The following MYOF variants were observed in gnomAD, a reference collection of about 807,000 sequenced individuals.
MYOF encodes fer-1-like 3, myoferlin.
A neutral mutation model predicts 284.2 loss-of-function variants in MYOF; 244 were observed. The ratio of observed to expected loss-of-function variants is 0.86; its 90% CI spans 0.77 to 0.95. MYOF has a LOEUF of 0.95. Ranked by LOEUF, MYOF falls within the 40% of genes least tolerant of loss-of-function variation. The probability of loss-of-function intolerance (pLI) is 0.00; values close to 1 mark genes in which losing one functional copy is unlikely to be tolerated. For missense variants in MYOF, 2,496 were observed against 2,560.6 expected (o/e 0.97, Z 0.54); for synonymous variants, 904 against 919.7 (o/e 0.98, Z 0.31).
intron 45 of MYOF, among the ~76,000 whole-genome samples, chr10:93,326,394 T>A (rs145851252): frequency 6.6e-5 from 10 of 152,192 alleles, no homozygotes; most frequent in African/African-American, 2.4e-4. Flanking sequence ...GGAGTCTCTA[T>A]GTGCCTTTTT....
chr10:93,394,448 C>CTCTTTTTTTTT (rs1846871495), intron 16 of MYOF, among the ~76,000 whole-genome samples: 4 of 28,682 alleles, frequency 1.4e-4, no homozygotes, highest in Admixed American at 6.7e-4. Context: ...ACCATCTTGT[C>CTCTTTTTTTTT]TTTTTTTTTT....
intron 7 of MYOF, among the ~76,000 whole-genome samples, chr10:93,407,887 G>T (rs1299522214): frequency 1.3e-5 from 2 of 152,176 alleles, no homozygotes; most frequent in Admixed American, 6.5e-5. Context: ...CACGAGAGTT[G>T]TCCCTCAGAG....
chr10:93,321,681 C>T (rs930432755), intron 48 of MYOF, among the ~76,000 whole-genome samples: 30 of 151,940 alleles, frequency 2.0e-4, no homozygotes, highest in African/African-American at 7.3e-4. Context: ...ACTGCTCACC[C>T]TTACAGCTCT....
At chr10:93,430,497 A>G (rs1254772809) in intron 4 of MYOF, among the ~76,000 whole-genome samples, 2 of 150,080 alleles carry the variant, frequency 1.3e-5, no homozygotes, top group African/African-American at 4.9e-5. Context: ...TAGAAGAATC[A>G]CTTGAACCCA....
At chr10:93,454,088 A>T (rs1339756673) in intron 2 of MYOF, among the ~76,000 whole-genome samples, 1 of 152,162 alleles carries the variant, frequency 6.6e-6, no homozygotes, top group Admixed American at 6.5e-5. Context: ...AGGCTGAGGA[A>T]GGAGAATCAC....
intron 38 of MYOF, chr10:93,341,819 T>G (rs754055050): frequency 1.7e-4 from 138 of 823,818 alleles, no homozygotes; most frequent in Non-Finnish European, 2.3e-4. Flanking sequence ...CACTCCAAAA[T>G]CTACTAATGG....
chr10:93,394,434 G>C (rs1005410666), intron 16 of MYOF, among the ~76,000 whole-genome samples: 13 of 117,378 alleles, frequency 1.1e-4, no homozygotes, highest in African/African-American at 3.6e-4. Context: ...TATCTCCTTT[G>C]GTCACCATCT....
intron 3 of MYOF, among the ~76,000 whole-genome samples, chr10:93,447,717 C>T (rs1337156196): frequency 2.0e-5 from 3 of 152,140 alleles, no homozygotes; most frequent in East Asian, 1.9e-4. Flanking sequence ...CTCTATAACT[C>T]ACTTGGTTAC....
chr10:93,452,670 T>G (rs1454802347), intron 2 of MYOF, among the ~76,000 whole-genome samples: 14 of 151,796 alleles, frequency 9.2e-5, no homozygotes, highest in Non-Finnish European at 1.5e-4. Flanking sequence ...AAACCTGCAC[T>G]TTGTGCACAT....
At chr10:93,366,360 T>G in intron 26 of MYOF, 32 bp downstream of exon 26, 1 of 1,599,922 alleles carries the variant, frequency 6.3e-7, no homozygotes, top group Non-Finnish European at 8.5e-7. Flanking sequence ...ATTTCATTGC[T>G]ATCCTTTTTA....
chr10:93,448,573 A>G (rs923952505), intron 3 of MYOF, among the ~76,000 whole-genome samples: 1 of 152,228 alleles, frequency 6.6e-6, no homozygotes, highest in Non-Finnish European at 1.5e-5. Flanking sequence ...GCCATGCTAA[A>G]ATAGATAAGG....
intron 48 of MYOF, among the ~76,000 whole-genome samples, chr10:93,322,286 C>T (rs1481042778): frequency 3.3e-5 from 5 of 152,168 alleles, no homozygotes; most frequent in African/African-American, 7.2e-5. Context: ...ACTCAGTCCA[C>T]GTGGAATAGC....
intron 40 of MYOF, among the ~76,000 whole-genome samples, chr10:93,336,440 C>T (rs1843610873): frequency 6.6e-6 from 1 of 152,178 alleles, no homozygotes. Flanking sequence ...TGATGAGTCT[C>T]AAAACTACAA....
chr10:93,412,861 C>A (rs1284747112), intron 5 of MYOF, among the ~76,000 whole-genome samples: 1 of 152,152 alleles, frequency 6.6e-6, no homozygotes, highest in East Asian at 1.9e-4. Flanking sequence ...GGTGCTCCTC[C>A]CAACCTTGGC....
In MYOF at chr10:93,389,132, T is replaced by C. The variant is rs1846549035; in HGVS notation, c.1479A>G (p.Val493=). 2 of 1,614,006 alleles carry C rather than the reference T, an allele frequency of 1.2e-6. No homozygotes were observed. The highest frequency in any genetic ancestry group is 2.7e-5 in the African/African-American group (2 of 75,058). ...AAGGTCCAAACGTTGGAACAAAGCC[T>C]ACCTCTGTTTCTCCTGTGTTTACTG... ...SYTVNTGETE[V]GFVPTFGPCY... The change falls in exon 18 of 54, where the codon GTA becomes GTG. Residue 493 remains valine, a synonymous_variant. Transcript: ENST00000359263.
chr10:93,455,281 AAAAAAC>A (rs1240921300), intron 2 of MYOF, among the ~76,000 whole-genome samples: 1,775 of 140,926 alleles, frequency 0.013, 28 homozygotes, highest in African/African-American at 0.044. Context: ...CTCCATCTCA[AAAAAAC>A]AAAAACAAAA....
chr10:93,329,887 C>T (rs995642650), intron 43 of MYOF, 53 bp from the exon 44 acceptor site: 60 of 1,581,484 alleles, frequency 3.8e-5, no homozygotes, highest in Non-Finnish European at 5.1e-5. Context: ...GAGTACCTCA[C>T]AAAAACTGGG....
intron 1 of MYOF, among the ~76,000 whole-genome samples, chr10:93,470,556 C>T (rs191403334): frequency 2.6e-5 from 4 of 152,172 alleles, no homozygotes; most frequent in Admixed American, 2.0e-4. Flanking sequence ...TGCCCAACAC[C>T]ATGCCTGGCT....
At chr10:93,477,451 C>T (rs2057288424) in intron 1 of MYOF, among the ~76,000 whole-genome samples, 1 of 151,790 alleles carries the variant, frequency 6.6e-6, no homozygotes, top group East Asian at 1.9e-4. Context: ...GAGATTATGC[C>T]ACTGCACTCC....
Sources: gnomAD v4.1 joint callset for allele counts (sites outside exome capture counted in the v4.1 genomes callset) on GRCh38, gnomAD v4.1.1 for gene constraint, MANE v1.5 for transcripts, NCBI Gene and HGNC (gene_info 2026-07-23, HGNC 2026-07-21) for gene names.